Variants in TATDN3 observed in about 807,000 individuals in gnomAD.
TATDN3 encodes the protein deoxyribonuclease TATDN3.
Under a neutral mutation model 40.1 loss-of-function variants are expected in TATDN3, and 29 were observed. That is an observed-to-expected ratio of 0.72 (90% CI 0.54 to 0.99). The LOEUF is 0.99. Among genes scored for constraint, TATDN3 ranks in the 50% least tolerant of loss-of-function variants. The pLI is 0.00. For missense variants in TATDN3, 309 were observed against 321.9 expected (o/e 0.96, Z 0.31); for synonymous variants, 105 against 117.0 (o/e 0.90, Z 0.66).
Position 212,815,186 on chromosome 1 carries a change from C to G in TATDN3, c.*30C>G. The G allele has an allele frequency of 1.9e-6, 3 of 1,593,712 alleles. No homozygotes were observed. The highest frequency in any genetic ancestry group is 2.6e-6 in the Non-Finnish European group (3 of 1,172,738). On this transcript the variant is annotated 3_prime_UTR_variant, in exon 10 of 10. Coordinates refer to ENST00000366974, the MANE Select transcript of TATDN3 (RefSeq NM_001042552.3). ...AAAACCATCCATTACAAAATCGAAT[C>G]AACTGCAGGGGGCAGCATTTGAAAA...
chr1:212,804,391 C>T lies in TATDN3; in HGVS notation c.393C>T (p.Ile131=). The T allele has an allele frequency of 6.2e-7, 1 of 1,614,058 alleles. No individual in the cohort carries two copies. Among genetic ancestry groups the T allele is most frequent in the African/African-American group, 1.3e-5 (1 of 75,042 alleles). The change falls in exon 6 of 10, where the codon ATC becomes ATT. Residue 131 remains isoleucine (I), a synonymous_variant. Coordinates refer to ENST00000366974, the MANE Select transcript of TATDN3 (RefSeq NM_001042552.3). ...EQKEEQRQVL[I]RQIQLAKRLN... ...AGGAAGAGCAAAGACAAGTCCTAATCAGACAGATCCAGTTAGCCAAAAGAC... is the reference window on the plus strand; with the variant it reads ...AGGAAGAGCAAAGACAAGTCCTAATTAGACAGATCCAGTTAGCCAAAAGAC...
intron 7 of TATDN3, among the ~76,000 whole-genome samples, chr1:212,804,920 AAAAAC>A (rs1398413263): frequency 4.6e-5 from 7 of 152,320 alleles, no homozygotes; most frequent in East Asian, 3.9e-4. Flanking sequence ...CAGCTTCATA[AAAAAC>A]AAAACAAAAC....
chr1:212,806,358 TTC>T (rs199803563), intron 7 of TATDN3, among the ~76,000 whole-genome samples: 2 of 120,970 alleles, frequency 1.7e-5, no homozygotes, highest in South Asian at 2.6e-4. Flanking sequence ...AATTGAATAT[TTC>T]TCTCTCTCTT....
intron 4 of TATDN3, 23 bp from the exon 5 acceptor site, chr1:212,802,678 C>T: frequency 6.4e-7 from 1 of 1,562,324 alleles, no homozygotes; most frequent in Non-Finnish European, 8.8e-7. Flanking sequence ...TCCATTTTAA[C>T]AATTTTACTT....
Position 212,815,310 on chromosome 1 carries a change from T to C in TATDN3, c.*154T>C, listed in dbSNP as rs1038571349. ...GAAATATTTCTCTTAGAAATAAAAC[T>C]GGGCTTGGATCCTGAAACCCTGGGT... On this transcript the variant is annotated 3_prime_UTR_variant, in exon 10 of 10. Transcript: ENST00000366974. 8.7e-6 allele frequency: 8 copies of C among 915,212 alleles called. No individual in the cohort carries two copies. The highest frequency in any genetic ancestry group is 3.7e-5 in the Admixed American group (1 of 27,000). 56.7% of individuals were successfully genotyped at this position (915,212 alleles called of 1,614,324 possible).
intron 7 of TATDN3, 111 bp from the exon 8 acceptor site, chr1:212,807,625 T>A: frequency 1.4e-6 from 1 of 710,248 alleles, no homozygotes; most frequent in Non-Finnish European, 2.3e-6. Flanking sequence ...TTATAGAACC[T>A]CTTGTTTATA....
rs1662636104 is a variant in TATDN3, at chr1:212,807,865, A to C, written c.600+17A>C. 1 of 1,476,520 alleles carries C rather than the reference A, an allele frequency of 6.8e-7. No individual in the cohort carries two copies. The highest frequency in any genetic ancestry group is 1.4e-5 in the African/African-American group (1 of 71,544). The allele number at this position is 1,476,520 out of a possible 1,614,324, so 91.5% of individuals were successfully genotyped here. A position where few individuals can be genotyped will look rare whatever the true frequency, so the allele number is the denominator to read the frequency against. On this transcript the variant is annotated intron_variant, in intron 8 of 9. Transcript: ENST00000366974. ...AGTGGACAGGTAAATTTTTTCATTGAAACTCATCTAATACTTATGAAATAA... is the reference window on the plus strand; with the variant it reads ...AGTGGACAGGTAAATTTTTTCATTGCAACTCATCTAATACTTATGAAATAA...
At chr1:212,803,820 G>C (rs1662304005) in intron 5 of TATDN3, among the ~76,000 whole-genome samples, 1 of 151,922 alleles carries the variant, frequency 6.6e-6, no homozygotes, top group East Asian at 1.9e-4. Flanking sequence ...CTGATCACTT[G>C]AGGTCAGGAA....
intron 1 of TATDN3, 147 bp downstream of exon 1, chr1:212,792,134 C>T (rs1661348707): frequency 1.3e-6 from 1 of 763,684 alleles, no homozygotes; most frequent in Non-Finnish European, 2.1e-6. Context: ...CCCCTCATTT[C>T]CCTATTCCCT....
intron 2 of TATDN3, 134 bp downstream of exon 2, chr1:212,795,261 A>ATTTT (rs944109754): frequency 1.6e-5 from 5 of 314,004 alleles, no homozygotes; most frequent in African/African-American, 9.9e-5. Context: ...TATTTTTATT[A>ATTTT]TTTTATTTAT....
Position 212,791,912 on chromosome 1 carries a change from C to G in TATDN3, c.-10C>G. The G allele has an allele frequency of 6.2e-7, 1 of 1,613,258 alleles. No individual in the cohort carries two copies. Among genetic ancestry groups the G allele is most frequent in the Non-Finnish European group, 8.5e-7 (1 of 1,179,720 alleles). ...GCTGGCCGGTCTAAAGCGGCAGCCG[C>G]CGGGGCGCAATGCGAGCGGCTGGCG... On this transcript the variant is annotated 5_prime_UTR_variant, in exon 1 of 10. Coordinates refer to ENST00000366974, the MANE Select transcript of TATDN3 (RefSeq NM_001042552.3).
At chr1:212,808,448 T>A (rs73083778) in intron 8 of TATDN3, among the ~76,000 whole-genome samples, 27,510 of 151,964 alleles carry the variant, frequency 0.18, 2,795 homozygotes, top group African/African-American at 0.28. Context: ...TTATTGGACA[T>A]AATCAAAATT....
intron 7 of TATDN3, among the ~76,000 whole-genome samples, chr1:212,806,368 C>CTTTTT (rs771628190): frequency 2.3e-5 from 3 of 132,492 alleles, no homozygotes; most frequent in Admixed American, 7.8e-5. Flanking sequence ...TTCTCTCTCT[C>CTTTTT]TTTTTTTTTT....
intron 1 of TATDN3, 31 bp downstream of exon 1, chr1:212,792,018 G>C (rs377530037): frequency 6.2e-7 from 1 of 1,608,632 alleles, no homozygotes; most frequent in Non-Finnish European, 8.5e-7. Flanking sequence ...ACCAGAGGGA[G>C]CAGGGAGGCC....
chr1:212,796,265 A>G (rs141517277), intron 2 of TATDN3, among the ~76,000 whole-genome samples: 2 of 152,262 alleles, frequency 1.3e-5, no homozygotes, highest in Admixed American at 6.5e-5. Flanking sequence ...TCGACATCCA[A>G]AACTCTGTCT....
At chr1:212,806,736 C>T (rs1451065359) in intron 7 of TATDN3, among the ~76,000 whole-genome samples, 1 of 109,746 alleles carries the variant, frequency 9.1e-6, no homozygotes, top group Non-Finnish European at 1.8e-5. Flanking sequence ...TTCTCTCTCT[C>T]TCTCTCTCTC....
intron 8 of TATDN3, 74 bp from the exon 9 acceptor site, chr1:212,812,174 T>C (rs1662924368): frequency 7.5e-6 from 7 of 929,634 alleles, no homozygotes; most frequent in African/African-American, 1.7e-5. Flanking sequence ...AAATGCATTA[T>C]TAGTATGTCA....
Position 212,797,112 on chromosome 1 carries a change from G to A in TATDN3, c.174G>A (p.Arg58=), listed in dbSNP as rs768906163. Residue 58 remains arginine (R), a splice_region_variant and synonymous_variant, in exon 4 of 10, where the codon AGG becomes AGA. Coordinates refer to ENST00000366974, the MANE Select transcript of TATDN3 (RefSeq NM_001042552.3). The part of the protein sequence containing the change: ...EFEKIMQLSE[R]YNGFVLPCLG... ...TTCTCAGTTGGTTCTACATTTTTAG[G>A]TATAATGGGTTTGTCCTGCCATGCT... The A allele has an allele frequency of 6.2e-6, 10 of 1,613,428 alleles. No homozygotes were observed. The South Asian group carries it at 9.9e-5, about 16-fold the overall frequency.
rs1553257532 is a variant in TATDN3, at chr1:212,806,783, T to TACACAC, written c.488-941_488-936dup. On this transcript the variant is annotated intron_variant, in intron 7 of 9. Coordinates refer to ENST00000366974, the MANE Select transcript of TATDN3 (RefSeq NM_001042552.3). ...ATATATATATATATATATATATATA[T>TACACAC]ACACACACACACACACATATATACA... Among the ~76,000 whole-genome samples, 17 of 79,520 alleles carry TACACAC rather than the reference T, an allele frequency of 2.1e-4. 3 individuals carry two copies. In the Admixed American group the frequency reaches 3.1e-3, roughly 15 times the overall value. 52.2% of individuals were successfully genotyped at this position (79,520 alleles called of 152,430 possible).
Sources: allele counts gnomAD v4.1 joint callset (sites outside exome capture counted in the v4.1 genomes callset), GRCh38; gene constraint gnomAD v4.1.1; transcripts MANE v1.5; gene names NCBI Gene and HGNC (gene_info 2026-07-23, HGNC 2026-07-21).